CHRDL1: variants seen among roughly 807,000 people sequenced by gnomAD.
CHRDL1 encodes the protein chordin-like protein 1.
Under a neutral mutation model 40.9 loss-of-function variants are expected in CHRDL1, and 19 were observed. That is an observed-to-expected ratio of 0.46 (90% CI 0.32 to 0.68). The LOEUF (loss-of-function observed/expected upper bound fraction) is 0.68, where lower values mean the gene tolerates loss of function less well. Among genes scored for constraint, CHRDL1 ranks in the 30% least tolerant of loss-of-function variants. CHRDL1 has a pLI of 0.03. For synonymous variants in CHRDL1, 136 were observed against 123.4 expected (o/e 1.10, Z -0.68); for missense variants, 329 against 352.1 (o/e 0.93, Z 0.53).
intron 11 of CHRDL1, among the ~76,000 whole-genome samples, chrX:110,677,937 C>T (rs758406382): frequency 1.8e-5 from 2 of 111,408 alleles, no homozygotes; most frequent in East Asian, 5.7e-4. Context: ...CTCTTTGATG[C>T]TGATCTTGTT....
intron 3 of CHRDL1, among the ~76,000 whole-genome samples, chrX:110,761,009 A>G (rs892629969): frequency 9.8e-5 from 11 of 111,783 alleles, no homozygotes; most frequent in African/African-American, 3.6e-4. Context: ...AATAACGATG[A>G]TGATGATAAC....
At chrX:110,732,772 GT>G (rs1569474883) in intron 4 of CHRDL1, among the ~76,000 whole-genome samples, 1 of 108,432 alleles carries the variant, frequency 9.2e-6, no homozygotes, top group African/African-American at 3.4e-5. Context: ...AGATTTGGGG[GT>G]TTTTTGGGGG....
At chrX:110,793,159 G>C (rs1251361884) in intron 1 of CHRDL1, among the ~76,000 whole-genome samples, 1 of 112,232 alleles carries the variant, frequency 8.9e-6, no homozygotes, top group Non-Finnish European at 1.9e-5. Flanking sequence ...CAATCTGAAT[G>C]GGAAATGAAC....
chrX:110,725,555 A>G (rs760174465), intron 4 of CHRDL1, among the ~76,000 whole-genome samples: 1 of 109,323 alleles, frequency 9.1e-6, no homozygotes, highest in South Asian at 4.0e-4. Context: ...TCCTGGTGTT[A>G]CCCTTCTTCC....
chrX:110,758,129 AC>A (rs2089488503), intron 4 of CHRDL1, among the ~76,000 whole-genome samples: 1 of 105,459 alleles, frequency 9.5e-6, no homozygotes, highest in Admixed American at 1.0e-4. Flanking sequence ...AAACAAAAAA[AC>A]AAAAAAAAAA....
intron 4 of CHRDL1, among the ~76,000 whole-genome samples, chrX:110,731,778 A>T (rs1483429594): frequency 1.8e-5 from 2 of 111,584 alleles, no homozygotes; most frequent in Non-Finnish European, 3.8e-5. Context: ...TAGAGAGAGA[A>T]AGAAGAACAC....
chrX:110,752,182 C>T (rs895177320), intron 4 of CHRDL1, among the ~76,000 whole-genome samples: 1 of 112,066 alleles, frequency 8.9e-6, no homozygotes, highest in Admixed American at 9.4e-5. Context: ...ATCCTCCTGC[C>T]TCAGCCTTCT....
intron 6 of CHRDL1, among the ~76,000 whole-genome samples, chrX:110,715,875 A>G (rs996439444): frequency 8.9e-6 from 1 of 112,532 alleles, no homozygotes; most frequent in African/African-American, 3.2e-5. Flanking sequence ...GGGCCAAGAC[A>G]AGAAAGGAGG....
At chrX:110,689,760 T>C (rs1417745771) in intron 8 of CHRDL1, among the ~76,000 whole-genome samples, 10 of 68,904 alleles carry the variant, frequency 1.5e-4, no homozygotes, top group East Asian at 1.4e-3. Context: ...TATATCTATA[T>C]ATCTATATAT....
At chrX:110,779,763 C>T (rs1164722361) in intron 2 of CHRDL1, among the ~76,000 whole-genome samples, 1 of 111,209 alleles carries the variant, frequency 9.0e-6, no homozygotes, top group African/African-American at 3.3e-5. Context: ...ATCTATTCAT[C>T]AAGTTGGGAA....
At chrX:110,785,568 T>G (rs908043886) in intron 2 of CHRDL1, among the ~76,000 whole-genome samples, 1 of 111,541 alleles carries the variant, frequency 9.0e-6, no homozygotes, top group Non-Finnish European at 1.9e-5. Flanking sequence ...TAAGTTTATA[T>G]AAATAAATAA....
At chrX:110,679,724 C>T (rs1280548743) in intron 10 of CHRDL1, among the ~76,000 whole-genome samples, 1 of 111,601 alleles carries the variant, frequency 9.0e-6, no homozygotes, top group East Asian at 2.8e-4. Context: ...AGCATAAGTG[C>T]TTACTGGAGC....
intron 6 of CHRDL1, among the ~76,000 whole-genome samples, chrX:110,711,360 A>T (rs889542176): frequency 1.8e-5 from 2 of 111,867 alleles, no homozygotes; most frequent in African/African-American, 6.5e-5. Flanking sequence ...TAAGTATACA[A>T]TACTATATGG....
intron 4 of CHRDL1, among the ~76,000 whole-genome samples, chrX:110,743,829 A>AGT (rs1380828178): frequency 4.5e-5 from 5 of 111,292 alleles, no homozygotes; most frequent in Non-Finnish European, 9.4e-5. Flanking sequence ...TGTATGTGAA[A>AGT]GTGTGTGTGT....
chrX:110,792,524 C>A (rs143314911), intron 1 of CHRDL1, among the ~76,000 whole-genome samples: 1,368 of 111,979 alleles, frequency 0.012, 20 homozygotes, highest in African/African-American at 0.043. Context: ...AAGTTGATTT[C>A]TCAAGAGATT....
At chrX:110,678,264 T>C (rs1162271270) in intron 11 of CHRDL1, among the ~76,000 whole-genome samples, 4 of 111,979 alleles carry the variant, frequency 3.6e-5, no homozygotes, top group African/African-American at 1.3e-4. Flanking sequence ...ATGCATCTGA[T>C]AGCCGAAAGA....
chrX:110,785,826 C>A (rs1308975557), intron 2 of CHRDL1, among the ~76,000 whole-genome samples: 1 of 111,915 alleles, frequency 8.9e-6, no homozygotes, highest in East Asian at 2.8e-4. Flanking sequence ...TTGCTTAGGG[C>A]ATCTGATAGT....
chrX:110,708,334 A>C (rs899252901), intron 6 of CHRDL1, among the ~76,000 whole-genome samples: 1 of 111,006 alleles, frequency 9.0e-6, no homozygotes, highest in African/African-American at 3.3e-5. Context: ...ATAAAGACAC[A>C]TGCACCGGTA....
At chrX:110,785,239 A>G in intron 2 of CHRDL1, among the ~76,000 whole-genome samples, 1 of 111,836 alleles carries the variant, frequency 8.9e-6, no homozygotes. Flanking sequence ...TACAGACAAC[A>G]TGGGATGTTG....
Sources: allele counts gnomAD v4.1 joint callset (sites outside exome capture counted in the v4.1 genomes callset), GRCh38; gene constraint gnomAD v4.1.1; transcripts MANE v1.5; gene names NCBI Gene and HGNC (gene_info 2026-07-23, HGNC 2026-07-21).